DCLRE1A: variants seen among roughly 807,000 people sequenced by gnomAD.
DCLRE1A encodes the protein DNA cross-link repair 1A.
In DCLRE1A, 64 loss-of-function variants were observed where a neutral mutation model predicts 91.9. The observed-to-expected ratio is 0.70, with a 90% CI of 0.57 to 0.86. The LOEUF (loss-of-function observed/expected upper bound fraction) is 0.86, where lower values mean the gene tolerates loss of function less well. Ranked by LOEUF, DCLRE1A falls within the 40% of genes least tolerant of loss-of-function variation. DCLRE1A has a pLI of 0.00. For missense variants in DCLRE1A, 1,145 were observed against 1,213.3 expected, an observed-to-expected ratio of 0.94 and a Z score of 0.84; for synonymous variants, 416 against 431.1, an observed-to-expected ratio of 0.96 and a Z score of 0.43.
chr10:113,849,476 C>A lies in DCLRE1A; in HGVS notation c.1629G>T (p.Lys543Asn), dbSNP rs1281905795. Residue 543 changes from lysine (K) to asparagine (N), a missense_variant, in exon 2 of 9, where the codon AAG becomes AAT. Physicochemically the swap from Lys to Asn is moderately conservative, Grantham distance 94 (BLOSUM62 0). Transcript: ENST00000361384. ...KYLKILPSGLKYNARHPSTKV... is the reference protein window; with the variant it reads ...KYLKILPSGLNYNARHPSTKV... ...TGGTAGAAGGATGTCTTGCATTATACTTAAGACCAGAAGGCAATATTTTCA... is the reference window on the plus strand; with the variant it reads ...TGGTAGAAGGATGTCTTGCATTATAATTAAGACCAGAAGGCAATATTTTCA... The A allele has an allele frequency of 6.2e-7, 1 of 1,614,098 alleles. No homozygotes were observed. The highest frequency in any genetic ancestry group is 1.7e-5 in the Admixed American group (1 of 60,020).
intron 7 of DCLRE1A, 102 bp from the exon 8 acceptor site, chr10:113,837,305 C>A: frequency 9.8e-7 from 1 of 1,021,840 alleles, no homozygotes; most frequent in South Asian, 2.7e-5. Context: ...GGGGAGTTTT[C>A]ATTTTTAAGC....
rs1589528222 is a variant in DCLRE1A, at chr10:113,850,125, T to C, written c.980A>G (p.Glu327Gly). ...DDSQEQLFFT[E>G]SSKDGSLEED... ...TTCGAGGCTGCCATCTTTTGAGCTT[T>C]CGGTAAAAAACAGTTGTTCTTGTGA... is the stretch of plus-strand genomic sequence containing the variant. The change falls in exon 2 of 9, where the codon GAA (glutamate) becomes GGA (glycine). Residue 327 changes from glutamate (E) to glycine (G), a missense_variant. Physicochemically the swap from Glu to Gly is moderately conservative, Grantham distance 98. Transcript: ENST00000361384. The C allele has an allele frequency of 6.8e-6, 11 of 1,614,124 alleles. No individual in the cohort carries two copies. The highest frequency in any genetic ancestry group is 9.3e-6 in the Non-Finnish European group (11 of 1,180,022).
intron 1 of DCLRE1A, 117 bp from the exon 2 acceptor site, chr10:113,850,761 G>T: frequency 2.7e-6 from 2 of 738,302 alleles, no homozygotes; most frequent in Non-Finnish European, 4.1e-6. Context: ...ATAATAAAAA[G>T]CAACAATTTT....
Position 113,849,749 on chromosome 10 carries a change from A to T in DCLRE1A, c.1356T>A (p.Val452=), listed in dbSNP as rs1845608778. ...CTAACGGAAGAGAAACTTGATTGTAAACAGATGATTCTTCAATTACCTGTT... is the reference window on the plus strand; with the variant it reads ...CTAACGGAAGAGAAACTTGATTGTATACAGATGATTCTTCAATTACCTGTT... The part of the protein sequence containing the change: ...KQKQVIEESS[V]YNQVSLPLVK... Residue 452 remains valine, a synonymous_variant, in exon 2 of 9, where the codon GTT becomes GTA. Transcript: ENST00000361384. 1 of 1,614,074 alleles carries T rather than the reference A, an allele frequency of 6.2e-7. No individual in the cohort carries two copies. The highest frequency in any genetic ancestry group is 8.5e-7 in the Non-Finnish European group (1 of 1,180,048).
chr10:113,849,949 GAGAC>G lies in DCLRE1A; in HGVS notation c.1152_1155del (p.Leu384PhefsTer62). The G allele has an allele frequency of 6.2e-7, 1 of 1,614,096 alleles. No individual in the cohort carries two copies. Among genetic ancestry groups the G allele is most frequent in the South Asian group, 1.1e-5 (1 of 91,076 alleles). On this transcript the variant is annotated frameshift_variant, in exon 2 of 9. Transcript: ENST00000361384. LOFTEE classifies it high-confidence loss of function. The stretch of plus-strand genomic sequence containing the variant: ...CTCTCATTATTTTGAGAAATAGGTT[GAGAC>G]AAATCATTTAGACTATTGAATCTAT...
Position 113,850,551 on chromosome 10 carries a change from T to C in DCLRE1A, c.554A>G (p.His185Arg), listed in dbSNP as rs1845632155. ...FLLAQSRAGDHPFSSPSPASG... is the reference protein window; with the variant it reads ...FLLAQSRAGDRPFSSPSPASG... ...CGCAGGTGATGGGCTGCTAAAAGGATGATCACCAGCCCTGCTTTGAGCTAG... is the reference window on the plus strand; with the variant it reads ...CGCAGGTGATGGGCTGCTAAAAGGACGATCACCAGCCCTGCTTTGAGCTAG... The change falls in exon 2 of 9, where the codon CAT becomes CGT. Residue 185 changes from histidine to arginine, a missense_variant. His to Arg is a conservative substitution (Grantham distance 29). Transcript: ENST00000361384. 1.2e-6 allele frequency: 2 copies of C among 1,614,152 alleles called. No individual in the cohort carries two copies. The highest frequency in any genetic ancestry group is 1.3e-5 in the African/African-American group (1 of 75,058).
chr10:113,849,422 CA>C lies in DCLRE1A; in HGVS notation c.1682del (p.Val561GlyfsTer15), dbSNP rs1564845061. 1 of 1,614,054 alleles carries C rather than the reference CA, an allele frequency of 6.2e-7. No individual in the cohort carries two copies. The highest frequency in any genetic ancestry group is 1.3e-5 in the African/African-American group (1 of 75,054). On this transcript the variant is annotated frameshift_variant, in exon 2 of 9. Transcript: ENST00000361384. LOFTEE classifies it high-confidence loss of function. ...TKVMKQMDIG[V>X]YFGLPPKRKE... The stretch of plus-strand genomic sequence containing the variant: ...TTCTTTTGGGAGGTAGTCCAAAATA[CA>C]CACCTATATCCATTTGCTTCATTAC...
At position 113,852,882 on chromosome 10, in the gene DCLRE1A, G is replaced by A. The variant is rs770276491; in HGVS notation, c.301C>T (p.Leu101Phe). 6.2e-7 allele frequency: 1 copy of A among 1,614,134 alleles called. No individual in the cohort carries two copies. The highest frequency in any genetic ancestry group is 1.1e-5 in the South Asian group (1 of 91,086). ...TGTTGGCTTTTTTGAGTTCTACAGAGTTTTCCTGGAGTAGTTTCCTTGTCT... is the reference window on the plus strand; with the variant it reads ...TGTTGGCTTTTTTGAGTTCTACAGAATTTTCCTGGAGTAGTTTCCTTGTCT... ...TQDKETTPGK[L>F]CRTQKSQHVS... The change falls in exon 1 of 9, where the codon CTC becomes TTC. Residue 101 changes from leucine (L) to phenylalanine (F), a missense_variant. Transcript: ENST00000361384.
In DCLRE1A at chr10:113,850,339, G is replaced by A; in HGVS notation, c.766C>T (p.Gln256Ter). The change falls in exon 2 of 9, where the codon CAA (glutamine) becomes TAA (stop). Residue 256 changes from glutamine to a stop codon, truncating the protein, a stop_gained. Coordinates refer to ENST00000361384, the MANE Select transcript of DCLRE1A (RefSeq NM_014881.5). LOFTEE classifies it high-confidence loss of function. ...EKISTHIQTS[Q>*]QALQFTDFVE... is the part of the protein sequence containing the mutation. ...AAATCTGTAAATTGTAGAGCTTGTT[G>A]GGATGTTTGGATATGAGTAGAAATC... 3.1e-6 allele frequency: 5 copies of A among 1,614,230 alleles called. No individual in the cohort carries two copies. The highest frequency in any genetic ancestry group is 4.2e-6 in the Non-Finnish European group (5 of 1,180,052).
chr10:113,849,586 T>C lies in DCLRE1A; in HGVS notation c.1519A>G (p.Arg507Gly). The C allele has an allele frequency of 1.2e-6, 2 of 1,614,022 alleles. No homozygotes were observed. The highest frequency in any genetic ancestry group is 1.7e-6 in the Non-Finnish European group (2 of 1,180,018). The change falls in exon 2 of 9, where the codon AGA (arginine) becomes GGA (glycine). Residue 507 changes from arginine to glycine, a missense_variant. Transcript: ENST00000361384. ...KNNTNSACFC[R>G]KALEGVPVGK... ...ACTGGCACACCCTCTAATGCCTTTCTGCAGAAACATGCTGAGTTAGTATTA... is the reference window on the plus strand; with the variant it reads ...ACTGGCACACCCTCTAATGCCTTTCCGCAGAAACATGCTGAGTTAGTATTA...
Position 113,849,268 on chromosome 10 carries a change from C to A in DCLRE1A, c.1837G>T (p.Asp613Tyr), listed in dbSNP as rs1564844941. The A allele has an allele frequency of 6.2e-7, 1 of 1,614,152 alleles. No individual in the cohort carries two copies. The highest frequency in any genetic ancestry group is 8.5e-7 in the Non-Finnish European group (1 of 1,180,038). ...AEKSLSDLEF[D>Y]ASTLHESQLS... is the part of the protein sequence containing the mutation. ...TGACTCTCATGTAAAGTACTTGCAT[C>A]AAATTCTAAATCACTTAAAGATTTT... is the stretch of plus-strand genomic sequence containing the variant. Residue 613 changes from aspartate (D) to tyrosine (Y), a missense_variant, in exon 2 of 9, where the codon GAT becomes TAT. Physicochemically the swap from Asp to Tyr is radical, Grantham distance 160. Transcript: ENST00000361384.
In DCLRE1A at chr10:113,844,227, A is replaced by G. The variant is rs367780631; in HGVS notation, c.2396T>C (p.Met799Thr). ...LDANHCPGAVMILFYLPNGTV... is the reference protein window; with the variant it reads ...LDANHCPGAVTILFYLPNGTV... ...ACCATTAGGAAGATAAAAGAGGATC[A>G]TGACAGCACCTGGACAGCTGAACAC... Residue 799 changes from methionine (M) to threonine (T), a missense_variant, in exon 5 of 9, where the codon ATG becomes ACG. Coordinates refer to ENST00000361384, the MANE Select transcript of DCLRE1A (RefSeq NM_014881.5). 13 of 1,614,068 alleles carry G rather than the reference A, an allele frequency of 8.1e-6. No individual in the cohort carries two copies. The highest frequency in any genetic ancestry group is 1.0e-5 in the Non-Finnish European group (12 of 1,180,014).
At chr10:113,843,587 T>G (rs1318465282) in intron 5 of DCLRE1A, among the ~76,000 whole-genome samples, 10 of 152,242 alleles carry the variant, frequency 6.6e-5, no homozygotes, top group Non-Finnish European at 1.3e-4. Context: ...TATACAATTT[T>G]TATTTACTTA....
intron 7 of DCLRE1A, among the ~76,000 whole-genome samples, chr10:113,838,074 G>A (rs189093063): frequency 2.3e-4 from 35 of 152,090 alleles, no homozygotes; most frequent in African/African-American, 8.4e-4. Context: ...TTAATTAGAA[G>A]TGAATATAAA....
In DCLRE1A at chr10:113,849,549, G is replaced by A; in HGVS notation, c.1556C>T (p.Thr519Ile). The change falls in exon 2 of 9, where the codon ACA (threonine) becomes ATA (isoleucine). Residue 519 changes from threonine (T) to isoleucine (I), a missense_variant. By Grantham distance (89) the Thr-to-Ile change is moderately conservative (BLOSUM62 -1). Transcript: ENST00000361384. ...AGACAAGTTTTCTGTATTTAAAATT[G>A]TAGCTTTACCAACTGGCACACCCTC... ...ALEGVPVGKATILNTENLSST... is the reference protein window; with the variant it reads ...ALEGVPVGKAIILNTENLSST... 11 of 1,613,668 alleles carry A rather than the reference G, an allele frequency of 6.8e-6. No individual in the cohort carries two copies. The highest frequency in any genetic ancestry group is 9.3e-6 in the Non-Finnish European group (11 of 1,179,972).
intron 1 of DCLRE1A, 61 bp from the exon 2 acceptor site, chr10:113,850,705 A>T (rs1265965364): frequency 7.5e-7 from 1 of 1,338,820 alleles, no homozygotes; most frequent in East Asian, 2.4e-5. Flanking sequence ...CTTTGACAAC[A>T]TTAGCAGTAT....
chr10:113,848,922 C>G, intron 2 of DCLRE1A, 58 bp downstream of exon 2: 1 of 1,503,946 alleles, frequency 6.6e-7, no homozygotes, highest in South Asian at 1.3e-5. Context: ...GGGCAATAAA[C>G]ACAAAGTTCA....
intron 7 of DCLRE1A, 52 bp from the exon 8 acceptor site, chr10:113,837,255 TA>T: frequency 6.6e-7 from 1 of 1,522,432 alleles, no homozygotes; most frequent in Non-Finnish European, 8.8e-7. Context: ...TTATATGGAA[TA>T]AAACAGACTG....
In DCLRE1A at chr10:113,834,945, G is replaced by T; in HGVS notation, c.*207C>A. ...AGGGGACAAGAAATTAAGGGTCCCA[G>T]GGAGACCCAGTTTCAGTTATCCTTG... On this transcript the variant is annotated 3_prime_UTR_variant, in exon 9 of 9. Transcript: ENST00000361384. 2.0e-6 allele frequency: 1 copy of T among 511,508 alleles called. No homozygotes were observed. Among genetic ancestry groups the T allele is most frequent in the South Asian group, 2.9e-5 (1 of 34,440 alleles). 31.7% of individuals were successfully genotyped at this position (511,508 alleles called of 1,614,324 possible).
Sources: allele counts gnomAD v4.1 joint callset (sites outside exome capture counted in the v4.1 genomes callset), GRCh38; gene constraint gnomAD v4.1.1; transcripts MANE v1.5; gene names NCBI Gene and HGNC (gene_info 2026-07-23, HGNC 2026-07-21).